The following CAMKMT variants were observed in gnomAD, a reference collection of about 807,000 sequenced individuals.
The protein encoded by CAMKMT is calmodulin-lysine N-methyltransferase, also known as CaM KMT.
A neutral mutation model predicts 48.0 loss-of-function variants in CAMKMT; 53 were observed. The observed-to-expected ratio is 1.10, with a 90% CI of 0.89 to 1.39. CAMKMT has a LOEUF of 1.39. CAMKMT is among the 40% of genes most tolerant of loss of function. The pLI is 0.00. For missense variants in CAMKMT, 428 were observed against 402.7 expected (o/e 1.06, Z -0.54); for synonymous variants, 165 against 152.3 (o/e 1.08, Z -0.61).
At chr2:44,568,908 A>G (rs948699724) in intron 3 of CAMKMT, among the ~76,000 whole-genome samples, 1 of 152,194 alleles carries the variant, frequency 6.6e-6, no homozygotes, top group Non-Finnish European at 1.5e-5. Flanking sequence ...AAGTGGAAGC[A>G]TGCAAGCTAC....
intron 3 of CAMKMT, among the ~76,000 whole-genome samples, chr2:44,674,643 G>GAA (rs1390221146): frequency 6.6e-6 from 1 of 152,176 alleles, no homozygotes; most frequent in Admixed American, 6.5e-5. Flanking sequence ...GTGGTTAAGT[G>GAA]TTCAGGTGTC....
intron 3 of CAMKMT, among the ~76,000 whole-genome samples, chr2:44,521,113 G>A (rs1671084726): frequency 6.6e-6 from 1 of 152,292 alleles, no homozygotes; most frequent in East Asian, 1.9e-4. Context: ...TCTCCACAAG[G>A]TTGATACTGA....
intron 3 of CAMKMT, among the ~76,000 whole-genome samples, chr2:44,649,140 GT>G: frequency 6.6e-6 from 1 of 152,178 alleles, no homozygotes; most frequent in East Asian, 1.9e-4. Context: ...TATTGAACAG[GT>G]TTTTCCCTTC....
At chr2:44,747,665 G>A (rs1679977663) in intron 8 of CAMKMT, among the ~76,000 whole-genome samples, 1 of 152,122 alleles carries the variant, frequency 6.6e-6, no homozygotes, top group Non-Finnish European at 1.5e-5. Context: ...CCTTTCTGTG[G>A]CTATTGACAG....
intron 3 of CAMKMT, among the ~76,000 whole-genome samples, chr2:44,429,911 G>C (rs1232418999): frequency 6.6e-6 from 1 of 150,710 alleles, no homozygotes; most frequent in Admixed American, 6.6e-5. Flanking sequence ...TCTTGTTAAA[G>C]TTTGTGATAG....
At chr2:44,663,910 T>C (rs1174659681) in intron 3 of CAMKMT, among the ~76,000 whole-genome samples, 1 of 151,602 alleles carries the variant, frequency 6.6e-6, no homozygotes, top group Non-Finnish European at 1.5e-5. Context: ...ATAAGATAAA[T>C]AAAATTTATG....
chr2:44,690,048 A>C (rs1676555951), intron 3 of CAMKMT, among the ~76,000 whole-genome samples: 1 of 152,244 alleles, frequency 6.6e-6, no homozygotes, highest in Non-Finnish European at 1.5e-5. Context: ...TAATTAACAA[A>C]GGTAGTTCTA....
At chr2:44,390,138 C>T in intron 2 of CAMKMT, 103 bp from the exon 3 acceptor site, 1 of 760,232 alleles carries the variant, frequency 1.3e-6, no homozygotes, top group South Asian at 1.6e-5. Context: ...TAATTTATTG[C>T]TATTGGGTAT....
At chr2:44,629,357 G>A (rs767457595) in intron 3 of CAMKMT, among the ~76,000 whole-genome samples, 19 of 151,486 alleles carry the variant, frequency 1.3e-4, no homozygotes, top group South Asian at 4.2e-4. Context: ...TGATTAGTGT[G>A]CACATGGCAT....
At chr2:44,493,912 C>T (rs534419134) in intron 3 of CAMKMT, among the ~76,000 whole-genome samples, 3 of 152,286 alleles carry the variant, frequency 2.0e-5, no homozygotes, top group African/African-American at 7.2e-5. Context: ...CTTCAAGTGA[C>T]ATTACTTTTA....
chr2:44,579,231 A>ATT (rs11451478), intron 3 of CAMKMT, among the ~76,000 whole-genome samples: 3,580 of 150,570 alleles, frequency 0.024, 155 homozygotes, highest in African/African-American at 0.083. Flanking sequence ...ATAATGTTCT[A>ATT]TTTTTTTTTT....
At chr2:44,652,133 C>T (rs756528637) in intron 3 of CAMKMT, among the ~76,000 whole-genome samples, 1 of 152,192 alleles carries the variant, frequency 6.6e-6, no homozygotes, top group Non-Finnish European at 1.5e-5. Flanking sequence ...AATAAAATAA[C>T]TCTACCCACA....
At chr2:44,714,471 G>A (rs189580208) in intron 6 of CAMKMT, among the ~76,000 whole-genome samples, 1 of 152,278 alleles carries the variant, frequency 6.6e-6, no homozygotes, top group Admixed American at 6.5e-5. Context: ...AGTTCTTCAG[G>A]GGACTTTTCA....
At chr2:44,647,715 C>T (rs1673814489) in intron 3 of CAMKMT, among the ~76,000 whole-genome samples, 1 of 151,722 alleles carries the variant, frequency 6.6e-6, no homozygotes, top group African/African-American at 2.4e-5. Flanking sequence ...ACCATCCTGG[C>T]TAACACGGTG....
At chr2:44,613,629 A>G (rs1671715696) in intron 3 of CAMKMT, among the ~76,000 whole-genome samples, 1 of 152,246 alleles carries the variant, frequency 6.6e-6, no homozygotes, top group Non-Finnish European at 1.5e-5. Context: ...TAATAATTAT[A>G]CCAACGGCTG....
intron 3 of CAMKMT, among the ~76,000 whole-genome samples, chr2:44,615,523 AG>A (rs1006493170): frequency 1.3e-5 from 2 of 152,140 alleles, no homozygotes; most frequent in African/African-American, 2.4e-5. Flanking sequence ...GATAATTCCC[AG>A]GTTTCTGCCT....
At chr2:44,686,958 T>C (rs988489262) in intron 3 of CAMKMT, among the ~76,000 whole-genome samples, 1 of 152,268 alleles carries the variant, frequency 6.6e-6, no homozygotes, top group Non-Finnish European at 1.5e-5. Context: ...GTTTGTATTT[T>C]CTATTAAGCT....
At chr2:44,589,346 G>C (rs1670116421) in intron 3 of CAMKMT, among the ~76,000 whole-genome samples, 1 of 54,336 alleles carries the variant, frequency 1.8e-5, no homozygotes, top group Non-Finnish European at 3.9e-5. Context: ...GGGAAGTGAG[G>C]AGCCCCTCTG....
At chr2:44,588,822 TG>T (rs1221530244) in intron 3 of CAMKMT, among the ~76,000 whole-genome samples, 2 of 6,516 alleles carry the variant, frequency 3.1e-4, no homozygotes, top group Non-Finnish European at 5.6e-4. Context: ...GGGAGGGAGG[TG>T]GGGGGGGTCA....
Sources: gnomAD v4.1 joint callset for allele counts (sites outside exome capture counted in the v4.1 genomes callset) on GRCh38, gnomAD v4.1.1 for gene constraint, MANE v1.5 for transcripts, NCBI Gene and HGNC (gene_info 2026-07-23, HGNC 2026-07-21) for gene names.